ADCY2: variants seen among roughly 807,000 people sequenced by gnomAD.
The protein encoded by ADCY2 is adenylate cyclase 2.
A neutral mutation model predicts 125.2 loss-of-function variants in ADCY2; 31 were observed. The ratio of observed to expected loss-of-function variants is 0.25; its 90% confidence interval spans 0.19 to 0.33. ADCY2 has a LOEUF of 0.33. Among genes scored for constraint, ADCY2 ranks in the 10% least tolerant of loss-of-function variants. ADCY2 has a pLI of 1.00. For synonymous variants in ADCY2, 512 were observed against 548.4 expected (o/e 0.93, Z 0.93); for missense variants, 904 against 1,418.2 (o/e 0.64, Z 5.82).
intron 18 of ADCY2, 117 bp from the exon 19 acceptor site, chr5:7,784,248 G>A: frequency 1.4e-6 from 1 of 724,492 alleles, no homozygotes; most frequent in East Asian, 2.6e-5. Context: ...TGTTTGGCTG[G>A]TATATGATGT....
intron 16 of ADCY2, among the ~76,000 whole-genome samples, chr5:7,762,228 A>C (rs190151940): frequency 4.0e-4 from 61 of 152,342 alleles, no homozygotes; most frequent in Non-Finnish European, 8.4e-4. Flanking sequence ...CTCCTCTTGT[A>C]CTTATGTCAA....
chr5:7,823,456 G>A (rs958884295), intron 24 of ADCY2, among the ~76,000 whole-genome samples: 1 of 152,152 alleles, frequency 6.6e-6, no homozygotes, highest in Non-Finnish European at 1.5e-5. Context: ...AACAAGAATC[G>A]TGGGGCGTTT....
intron 1 of ADCY2, among the ~76,000 whole-genome samples, chr5:7,398,805 G>C (rs1739154234): frequency 6.6e-6 from 1 of 152,224 alleles, no homozygotes; most frequent in South Asian, 2.1e-4. Context: ...TCTGAAACCG[G>C]ACCTGAGTCG....
rs1741959793 is a variant in ADCY2 at position 7,727,193 on chromosome 5, G to A, written c.1803G>A (p.Lys601=). Residue 601 remains lysine (K), a synonymous_variant, in exon 14 of 25, where the codon AAG becomes AAA. Transcript: ENST00000338316. ...GGGCCACGGCACTGCCAGCGTTCAAGTATTATGTGACTTGTGCCTGTCTCA... is the reference window on the plus strand; with the variant it reads ...GGGCCACGGCACTGCCAGCGTTCAAATATTATGTGACTTGTGCCTGTCTCA... The part of the protein sequence containing the change: ...EYRATALPAF[K]YYVTCACLIF... 1.2e-6 allele frequency: 2 copies of A among 1,614,132 alleles called. No homozygotes were observed. The highest frequency in any genetic ancestry group is 2.2e-5 in the South Asian group (2 of 91,066).
intron 2 of ADCY2, among the ~76,000 whole-genome samples, chr5:7,494,260 C>T (rs181815546): frequency 1.6e-4 from 24 of 152,148 alleles, no homozygotes; most frequent in South Asian, 4.1e-4. Flanking sequence ...CTCACCAGGG[C>T]GGATAATCTT....
chr5:7,482,744 T>C lies in ADCY2; in HGVS notation c.409-37994T>C, dbSNP rs62341500. On this transcript the variant is annotated intron_variant, in intron 2 of 24. Coordinates refer to ENST00000338316, the MANE Select transcript of ADCY2 (RefSeq NM_020546.3). ...GGAACCCACCTAAGTGTCTATCAGC[T>C]GATGAATGGATAAAGAAAATGTGAT... Among the ~76,000 whole-genome samples the C allele has an allele frequency of 6.2e-3, 848 of 137,102 alleles. 7 individuals carry two copies. Among genetic ancestry groups the C allele is most frequent in the Non-Finnish European group, 9.9e-3 (643 of 64,662 alleles). 89.9% of individuals were successfully genotyped at this position (137,102 alleles called of 152,430 possible). A position where few individuals can be genotyped will look rare whatever the true frequency, so the allele number is the denominator to read the frequency against.
At chr5:7,509,922 T>A in intron 2 of ADCY2, among the ~76,000 whole-genome samples, 1 of 152,224 alleles carries the variant, frequency 6.6e-6, no homozygotes, top group Non-Finnish European at 1.5e-5. Flanking sequence ...AAAGATGGCA[T>A]TCTACTTAAG....
chr5:7,570,329 A>G (rs1736028882), intron 3 of ADCY2, among the ~76,000 whole-genome samples: 1 of 152,126 alleles, frequency 6.6e-6, no homozygotes, highest in South Asian at 2.1e-4. Flanking sequence ...TGGACCAACT[A>G]AAATATTTTA....
chr5:7,807,742 A>G (rs1486181251), intron 22 of ADCY2, among the ~76,000 whole-genome samples: 2 of 151,688 alleles, frequency 1.3e-5, no homozygotes, highest in East Asian at 1.9e-4. Context: ...CACTACTGCC[A>G]TTTTCTTCTT....
intron 3 of ADCY2, among the ~76,000 whole-genome samples, chr5:7,590,496 C>T (rs925883648): frequency 1.3e-5 from 2 of 151,562 alleles, no homozygotes; most frequent in African/African-American, 2.4e-5. Context: ...TATCCAAAAC[C>T]ATATTTAAAT....
rs1740472289 is a variant in ADCY2 at position 7,428,542 on chromosome 5, T to C, written c.408+13772T>C. Among the ~76,000 whole-genome samples the C allele has an allele frequency of 4.6e-5, 7 of 152,328 alleles. 1 individual carries two copies. The South Asian group carries it at 1.4e-3, about 32-fold the overall frequency. On this transcript the variant is annotated intron_variant, in intron 2 of 24. Transcript: ENST00000338316. ...ACACTGTGTACTGGTATAAATTATG[T>C]GAAATTGAATTATTTTTCAATAAGC...
intron 3 of ADCY2, among the ~76,000 whole-genome samples, chr5:7,561,745 A>T (rs1299530207): frequency 6.6e-6 from 1 of 152,200 alleles, no homozygotes; most frequent in Admixed American, 6.5e-5. Context: ...GATACACGTC[A>T]CTGTGTTGGG....
At chr5:7,743,783 A>C (rs1370629239) in intron 15 of ADCY2, 31 bp downstream of exon 15, 1 of 1,596,440 alleles carries the variant, frequency 6.3e-7, no homozygotes. Flanking sequence ...CTTCTTTGAA[A>C]AGTATGCTCA....
At chr5:7,558,055 TTA>T (rs1296506217) in intron 3 of ADCY2, among the ~76,000 whole-genome samples, 1 of 136,090 alleles carries the variant, frequency 7.3e-6, no homozygotes, top group Non-Finnish European at 1.7e-5. Flanking sequence ...GTTTTTGGTT[TTA>T]TTTTTTTTTT....
intron 3 of ADCY2, among the ~76,000 whole-genome samples, chr5:7,537,772 C>A (rs770745961): frequency 6.6e-6 from 1 of 152,242 alleles, no homozygotes; most frequent in Non-Finnish European, 1.5e-5. Flanking sequence ...CCCTGTAGGA[C>A]ATGGCCCTGC....
intron 3 of ADCY2, among the ~76,000 whole-genome samples, chr5:7,617,608 A>G (rs1189809445): frequency 6.6e-6 from 1 of 152,210 alleles, no homozygotes. Flanking sequence ...TTGGGAAAAC[A>G]TGAGATGTCA....
chr5:7,717,784 G>C (rs1010530674), intron 12 of ADCY2, among the ~76,000 whole-genome samples: 5 of 152,134 alleles, frequency 3.3e-5, no homozygotes, highest in African/African-American at 4.8e-5. Context: ...TTTGAAGAAG[G>C]TGATGGCCTT....
chr5:7,563,021 A>G (rs747809985), intron 3 of ADCY2, among the ~76,000 whole-genome samples: 6 of 152,248 alleles, frequency 3.9e-5, no homozygotes, highest in Non-Finnish European at 7.4e-5. Context: ...ATTGTTTTAA[A>G]TGCATTATAT....
At chr5:7,678,569 T>G (rs1156580746) in intron 4 of ADCY2, among the ~76,000 whole-genome samples, 2 of 152,212 alleles carry the variant, frequency 1.3e-5, no homozygotes, top group African/African-American at 4.8e-5. Context: ...TATATTTATA[T>G]ACATCTTCCA....
Sources: allele counts gnomAD v4.1 joint callset (sites outside exome capture counted in the v4.1 genomes callset), GRCh38; gene constraint gnomAD v4.1.1; transcripts MANE v1.5; gene names NCBI Gene and HGNC (gene_info 2026-07-23, HGNC 2026-07-21).